Variants in TWIST1 observed in about 807,000 individuals in gnomAD.
TWIST1 encodes the protein twist-related protein 1.
In TWIST1, 8 loss-of-function variants were observed where a neutral mutation model predicts 12.9. That is an observed-to-expected ratio of 0.62 (90% CI 0.37 to 1.12). TWIST1 has a LOEUF of 1.12. Among genes scored for constraint, TWIST1 ranks in the 50% most tolerant of loss-of-function variants. The pLI, the probability that TWIST1 is intolerant of heterozygous loss-of-function variation, is 0.02. For synonymous variants in TWIST1, 169 were observed against 138.7 expected (o/e 1.22, Z -1.54); for missense variants, 268 against 299.7 (o/e 0.89, Z 0.78).
In TWIST1 at chr7:19,116,695, G is replaced by A; in HGVS notation, c.*18C>T. 1 of 1,589,352 alleles carries A rather than the reference G, an allele frequency of 6.3e-7. No individual in the cohort carries two copies. The highest frequency in any genetic ancestry group is 8.6e-7 in the Non-Finnish European group (1 of 1,168,930). Reference sequence around the variant, plus strand: ...CCTAGGTCTCCGGCCCTGCTGAGGGGGTGGGGGGCTCCGCCTGCTAGTGGG... The same window carrying A: ...CCTAGGTCTCCGGCCCTGCTGAGGGAGTGGGGGGCTCCGCCTGCTAGTGGG... On this transcript the variant is annotated 3_prime_UTR_variant, in exon 1 of 2. Coordinates refer to ENST00000242261, the MANE Select transcript of TWIST1 (RefSeq NM_000474.4).
intron 1 of TWIST1, among the ~76,000 whole-genome samples, chr7:19,116,334 A>G (rs1279593718): frequency 1.3e-5 from 2 of 152,182 alleles, no homozygotes; most frequent in Non-Finnish European, 2.9e-5. Context: ...CATTTGTTTT[A>G]AGGAGAACAA....
chr7:19,116,591 A>T, intron 1 of TWIST1, 80 bp downstream of exon 1: 3 of 1,116,928 alleles, frequency 2.7e-6, no homozygotes, highest in Non-Finnish European at 3.8e-6. Flanking sequence ...GAGGAAATCG[A>T]GGTGGACTGG....
In TWIST1 at chr7:19,117,287, G is replaced by A. The variant is rs192275163; in HGVS notation, c.35C>T (p.Pro12Leu). 1.6e-5 allele frequency: 24 copies of A among 1,474,688 alleles called. No homozygotes were observed. The highest frequency in any genetic ancestry group is 2.0e-5 in the Non-Finnish European group (22 of 1,116,604). 91.4% of individuals were successfully genotyped at this position (1,474,688 alleles called of 1,614,324 possible). ...GCTGTTGCTCAGGCTGTCGTCGGCC[G>A]GCGAGACTGGCGAGCTGGACACGTC... is the stretch of plus-strand genomic sequence containing the variant. Reference protein sequence around the residue: ...MQDVSSSPVSPADDSLSNSEE... With the variant: ...MQDVSSSPVSLADDSLSNSEE... Residue 12 changes from proline (P) to leucine (L), a missense_variant, in exon 1 of 2, where the codon CCG becomes CTG. Transcript: ENST00000242261.
chr7:19,117,473 G>A lies in TWIST1; in HGVS notation c.-152C>T, dbSNP rs919133367. The A allele has an allele frequency of 2.9e-5, 34 of 1,188,940 alleles. No individual in the cohort carries two copies. Among genetic ancestry groups the A allele is most frequent in the Admixed American group, 4.7e-5 (1 of 21,308 alleles). 73.6% of individuals were successfully genotyped at this position (1,188,940 alleles called of 1,614,324 possible). On this transcript the variant is annotated 5_prime_UTR_variant, in exon 1 of 2. Transcript: ENST00000242261. ...GAGGACGGACGGGAGGGACCTCCGCGGGGAGGGCGCGCGGGGGAGGCGGGG... is the reference window on the plus strand; with the variant it reads ...GAGGACGGACGGGAGGGACCTCCGCAGGGAGGGCGCGCGGGGGAGGCGGGG...
chr7:19,116,550 G>C, intron 1 of TWIST1, 121 bp downstream of exon 1: 2 of 853,496 alleles, frequency 2.3e-6, no homozygotes, highest in South Asian at 1.7e-5. Context: ...GCCAAGTGAG[G>C]TGGGAAGGCT....
At chr7:19,115,082 C>G (rs150673618), downstream of TWIST1, among the ~76,000 whole-genome samples, 6 of 152,132 alleles carry the variant, frequency 3.9e-5, no homozygotes, top group African/African-American at 1.4e-4. Flanking sequence ...ATTTAGGAAT[C>G]TTCACAAAGA....
At position 19,117,339 on chromosome 7, in the gene TWIST1, G is replaced by A; in HGVS notation, c.-18C>T. 6.9e-7 allele frequency: 1 copy of A among 1,444,968 alleles called. No individual in the cohort carries two copies. The highest frequency in any genetic ancestry group is 9.1e-7 in the Non-Finnish European group (1 of 1,098,794). 89.5% of individuals were successfully genotyped at this position (1,444,968 alleles called of 1,614,324 possible). A position where few individuals can be genotyped will look rare whatever the true frequency, so the allele number is the denominator to read the frequency against. On this transcript the variant is annotated 5_prime_UTR_variant, in exon 1 of 2. It adds an upstream start codon to the 5' untranslated region. Transcript: ENST00000242261. ...TGCATCATCTCTCGAGCGGCGACGCGTGGCCTCGCGGGCCCGGGGCAGAGG... is the reference window on the plus strand; with the variant it reads ...TGCATCATCTCTCGAGCGGCGACGCATGGCCTCGCGGGCCCGGGGCAGAGG...
rs1461013740 is a variant in TWIST1 at position 19,117,388 on chromosome 7, G to A, written c.-67C>T. The A allele has an allele frequency of 1.6e-5, 21 of 1,327,000 alleles. No individual in the cohort carries two copies. Among genetic ancestry groups the A allele is most frequent in the African/African-American group, 3.1e-5 (2 of 64,236 alleles). The allele number at this position is 1,327,000 out of a possible 1,614,324, so 82.2% of individuals were successfully genotyped here. On this transcript the variant is annotated 5_prime_UTR_variant, in exon 1 of 2. Coordinates refer to ENST00000242261, the MANE Select transcript of TWIST1 (RefSeq NM_000474.4). ...GGAGAAGAGCGGGGCGCCTCAGCCCGCCAGCTTCCCCCGCGCGCGGCGCCG... is the reference window on the plus strand; with the variant it reads ...GGAGAAGAGCGGGGCGCCTCAGCCCACCAGCTTCCCCCGCGCGCGGCGCCG...
downstream of TWIST1, chr7:19,114,107 C>A (rs1325627166): frequency 2.0e-5 from 3 of 152,080 alleles, no homozygotes; most frequent in African/African-American, 7.2e-5. Flanking sequence ...CACACACCCC[C>A]AACAAATACA....
downstream of TWIST1, among the ~76,000 whole-genome samples, chr7:19,114,873 G>A (rs1214322188): frequency 6.6e-6 from 1 of 152,070 alleles, no homozygotes; most frequent in African/African-American, 2.4e-5. Context: ...TCAATATAGC[G>A]ATATATTAAC....
Position 19,117,208 on chromosome 7 carries a change from C to T in TWIST1, c.114G>A (p.Lys38=). Residue 38 remains lysine, a synonymous_variant, in exon 1 of 2, where the codon AAG becomes AAA. Coordinates refer to ENST00000242261, the MANE Select transcript of TWIST1 (RefSeq NM_000474.4). The stretch of plus-strand genomic sequence containing the variant: ...CCGCGCTGCGCCTGCTGCTGCGCCG[C>T]TTGCGTCCCCCGCGCTTGCCGCTCG... ...QPPSGKRGGR[K]RRSSRRSAGG... 1 of 1,371,894 alleles carries T rather than the reference C, an allele frequency of 7.3e-7. No homozygotes were observed. Among genetic ancestry groups the T allele is most frequent in the Non-Finnish European group, 9.5e-7 (1 of 1,055,360 alleles). 85.0% of individuals were successfully genotyped at this position (1,371,894 alleles called of 1,614,324 possible).
At chr7:19,114,571 TAAAAAATCAAACACCCCCG>T (rs1788529638), downstream of TWIST1, among the ~76,000 whole-genome samples, 1 of 152,134 alleles carries the variant, frequency 6.6e-6, no homozygotes, top group Non-Finnish European at 1.5e-5. Context: ...CAGAATGAAA[TAAAAAATCAAACACCCCCG>T]TTTGCCCATT....
intron 1 of TWIST1, 28 bp downstream of exon 1, chr7:19,116,643 C>T (rs1301455464): frequency 1.3e-6 from 2 of 1,513,464 alleles, no homozygotes; most frequent in Non-Finnish European, 1.8e-6. Context: ...ACCTGAGAGG[C>T]GAAGGGGTGC....
Position 19,116,911 on chromosome 7 carries a change from C to T in TWIST1, c.411G>A (p.Thr137=). 6.2e-7 allele frequency: 1 copy of T among 1,614,086 alleles called. No individual in the cohort carries two copies. The highest frequency in any genetic ancestry group is 8.5e-7 in the Non-Finnish European group (1 of 1,179,980). ...AFAALRKIIP[T]LPSDKLSKIQ... ...TCTTGCTCAGCTTGTCCGAGGGCAG[C>T]GTGGGGATGATCTTCCGCAGCGCGG... Residue 137 remains threonine, a synonymous_variant, in exon 1 of 2, where the codon ACG becomes ACA. Coordinates refer to ENST00000242261, the MANE Select transcript of TWIST1 (RefSeq NM_000474.4).
Position 19,117,267 on chromosome 7 carries a change from T to C in TWIST1, c.55A>G (p.Asn19Asp). 6.8e-7 allele frequency: 1 copy of C among 1,472,216 alleles called. No homozygotes were observed. The highest frequency in any genetic ancestry group is 9.0e-7 in the Non-Finnish European group (1 of 1,115,468). The allele number at this position is 1,472,216 out of a possible 1,614,324, so 91.2% of individuals were successfully genotyped here. ...PVSPADDSLS[N>D]SEEEPDRQQP... The stretch of plus-strand genomic sequence containing the variant: ...TGCCGGTCTGGCTCTTCCTCGCTGT[T>C]GCTCAGGCTGTCGTCGGCCGGCGAG... The change falls in exon 1 of 2, where the codon AAC (asparagine) becomes GAC (aspartate). Residue 19 changes from asparagine (N) to aspartate (D), a missense_variant. By Grantham distance (23) the Asn-to-Asp change is conservative (BLOSUM62 1). Coordinates refer to ENST00000242261, the MANE Select transcript of TWIST1 (RefSeq NM_000474.4).
chr7:19,116,680 C>T lies in TWIST1; in HGVS notation c.*33G>A. 3 of 1,571,578 alleles carry T rather than the reference C, an allele frequency of 1.9e-6. No individual in the cohort carries two copies. Among genetic ancestry groups the T allele is most frequent in the Non-Finnish European group, 2.6e-6 (3 of 1,160,172 alleles). ...GCGGCGCGGTCCTTACCTAGGTCTC[C>T]GGCCCTGCTGAGGGGGTGGGGGGCT... On this transcript the variant is annotated 3_prime_UTR_variant, in exon 1 of 2. Coordinates refer to ENST00000242261, the MANE Select transcript of TWIST1 (RefSeq NM_000474.4).
Position 19,116,819 on chromosome 7 carries a change from A to C in TWIST1, c.503T>G (p.Leu168Arg), listed in dbSNP as rs2115396533. 5 of 1,614,142 alleles carry C rather than the reference A, an allele frequency of 3.1e-6. No individual in the cohort carries two copies. Among genetic ancestry groups the C allele is most frequent in the Non-Finnish European group, 4.2e-6 (5 of 1,179,990 alleles). ...GCTGCAGCTTGCCATCTTGGAGTCC[A>C]GCTCGTCGCTCTGGAGGACCTGGTA... ...FLYQVLQSDELDSKMASCSYV... is the reference protein window; with the variant it reads ...FLYQVLQSDERDSKMASCSYV... The change falls in exon 1 of 2, where the codon CTG becomes CGG. Residue 168 changes from leucine (L) to arginine (R), a missense_variant. By Grantham distance (102) the Leu-to-Arg change is moderately radical (BLOSUM62 -2). Transcript: ENST00000242261.
rs1013246852 is a variant in TWIST1 at position 19,117,326 on chromosome 7, C to G, written c.-5G>C. 19 of 1,459,268 alleles carry G rather than the reference C, an allele frequency of 1.3e-5. No homozygotes were observed. The highest frequency in any genetic ancestry group is 2.3e-5 in the Admixed American group (1 of 43,158). The allele number at this position is 1,459,268 out of a possible 1,614,324, so 90.4% of individuals were successfully genotyped here. ...GCTGGACACGTCCTGCATCATCTCTCGAGCGGCGACGCGTGGCCTCGCGGG... is the reference window on the plus strand; with the variant it reads ...GCTGGACACGTCCTGCATCATCTCTGGAGCGGCGACGCGTGGCCTCGCGGG... On this transcript the variant is annotated 5_prime_UTR_variant, in exon 1 of 2. Coordinates refer to ENST00000242261, the MANE Select transcript of TWIST1 (RefSeq NM_000474.4).
At chr7:19,114,844 T>A (rs971528158), downstream of TWIST1, among the ~76,000 whole-genome samples, 1 of 152,214 alleles carries the variant, frequency 6.6e-6, no homozygotes, top group African/African-American at 2.4e-5. Flanking sequence ...AAAAAAAGAA[T>A]GATGCTTCCC....
Sources: gnomAD v4.1 joint callset for allele counts (sites outside exome capture counted in the v4.1 genomes callset) on GRCh38, gnomAD v4.1.1 for gene constraint, MANE v1.5 for transcripts, NCBI Gene and HGNC (gene_info 2026-07-23, HGNC 2026-07-21) for gene names.